The following SH2B2 variants were observed in gnomAD, a reference collection of about 807,000 sequenced individuals.
SH2B2 encodes the protein SH2B adaptor protein 2.
In SH2B2, 37 loss-of-function variants were observed where a neutral mutation model predicts 35.7. The observed-to-expected ratio is 1.04, with a 90% CI of 0.80 to 1.36. The LOEUF is 1.36. Ranked by LOEUF, SH2B2 falls within the 40% of genes most tolerant of loss-of-function variation. The pLI is 0.00. For synonymous variants in SH2B2, 383 were observed against 376.4 expected, an observed-to-expected ratio of 1.02 and a Z score of -0.20; for missense variants, 852 against 817.7, an observed-to-expected ratio of 1.04 and a Z score of -0.51.
In SH2B2 at chr7:102,314,434, A is replaced by C. The variant is rs1207171974; in HGVS notation, c.1015+7A>C. 2.5e-6 allele frequency: 1 copy of C among 398,656 alleles called. No homozygotes were observed. Among genetic ancestry groups the C allele is most frequent in the African/African-American group, 2.1e-5 (1 of 48,626 alleles). The allele number at this position is 398,656 out of a possible 1,614,324, so 24.7% of individuals were successfully genotyped here. ...TGTGAGCTCCTGACTGATGGTAGGT[A>C]GGGGGACAGGGTTGAAGGAGGGGCA... On this transcript the variant is annotated splice_region_variant and intron_variant, in intron 5 of 8. Coordinates refer to ENST00000444095, the MANE Select transcript of SH2B2 (RefSeq NM_001359228.2).
intron 2 of SH2B2, among the ~76,000 whole-genome samples, chr7:102,305,765 G>A (rs1464467111): frequency 6.6e-6 from 1 of 152,128 alleles, no homozygotes; most frequent in African/African-American, 2.4e-5. Flanking sequence ...TCTCGTGGGT[G>A]CATTGGGCAG....
rs1443577878 is a variant in SH2B2, at chr7:102,300,721, C to G, written c.171C>G (p.Ala57=). The G allele has an allele frequency of 6.5e-7, 1 of 1,531,046 alleles. No individual in the cohort carries two copies. The highest frequency in any genetic ancestry group is 8.8e-7 in the Non-Finnish European group (1 of 1,135,172). The allele number at this position is 1,531,046 out of a possible 1,614,324, so 94.8% of individuals were successfully genotyped here. The change falls in exon 2 of 9, where the codon GCC becomes GCG. Residue 57 remains alanine (A), a synonymous_variant. Transcript: ENST00000444095. The part of the protein sequence containing the change: ...RDNPAYDTPD[A]GASFSRHFAA... ...ACCCAGCTTACGACACGCCCGACGC[C>G]GGCGCCTCCTTCTCCCGCCACTTCG...
At chr7:102,294,090 G>A (rs1205200915) in intron 1 of SH2B2, among the ~76,000 whole-genome samples, 7 of 152,180 alleles carry the variant, frequency 4.6e-5, no homozygotes, top group African/African-American at 9.7e-5. Flanking sequence ...GAGTGCAGTC[G>A]TGCAATCTCA....
At chr7:102,311,606 G>A (rs1166096535) in intron 4 of SH2B2, among the ~76,000 whole-genome samples, 1 of 127,236 alleles carries the variant, frequency 7.9e-6, no homozygotes, top group Non-Finnish European at 1.6e-5. Context: ...GTGCTATGTT[G>A]TCCAGGCTGG....
rs782144163 is a variant in SH2B2, at chr7:102,300,779, G to A, written c.229G>A (p.Val77Met). The A allele has an allele frequency of 1.3e-6, 2 of 1,519,250 alleles. No homozygotes were observed. The highest frequency in any genetic ancestry group is 1.8e-6 in the Non-Finnish European group (2 of 1,128,298). 94.1% of individuals were successfully genotyped at this position (1,519,250 alleles called of 1,614,324 possible). The change falls in exon 2 of 9, where the codon GTG (valine) becomes ATG (methionine). Residue 77 changes from valine to methionine, a missense_variant. Val to Met is a conservative substitution (Grantham distance 21, BLOSUM62 1). This residue lies in a region of SH2B2 where 294 missense variants were observed against 286.6 expected (regional missense o/e 1.03). Coordinates refer to ENST00000444095, the MANE Select transcript of SH2B2 (RefSeq NM_001359228.2). ...CTTCCTGGACGTCTTCGGCGAGGAGGTGCGCCGCGTGCTGGTGGCTGGGCC... is the reference window on the plus strand; with the variant it reads ...CTTCCTGGACGTCTTCGGCGAGGAGATGCGCCGCGTGCTGGTGGCTGGGCC... ...ANFLDVFGEEVRRVLVAGPTT... is the reference protein window; with the variant it reads ...ANFLDVFGEEMRRVLVAGPTT...
At chr7:102,310,241 G>A (rs149159290) in intron 4 of SH2B2, among the ~76,000 whole-genome samples, 6,401 of 152,130 alleles carry the variant, frequency 0.042, 444 homozygotes, top group African/African-American at 0.15. Flanking sequence ...GCTTGAACCC[G>A]GGAGGCAGAG....
Position 102,301,589 on chromosome 7 carries a change from C to CGT in SH2B2, c.729+321_729+322dup, listed in dbSNP as rs1159497415. 2.9e-4 allele frequency among the ~76,000 whole-genome samples: 44 copies of CGT among 150,052 alleles called. No homozygotes were observed. In the South Asian group the frequency reaches 7.1e-3, roughly 24 times the overall value. ...GTGTGTGTGTGTGTGTGTGCGCGCG[C>CGT]GTGTGTGTGTGTCCCTCTGTCACCC... On this transcript the variant is annotated intron_variant, in intron 2 of 8. Coordinates refer to ENST00000444095, the MANE Select transcript of SH2B2 (RefSeq NM_001359228.2).
rs35625519 is a variant in SH2B2 at position 102,290,241 on chromosome 7, C to CTT, written c.-30+3158_-30+3159dup. ...GCCTGGAACTTGGCTCCATACCCCC[C>CTT]TTTTTTTTTTTTATTTTTTTGAGAC... On this transcript the variant is annotated intron_variant, in intron 1 of 8. Coordinates refer to ENST00000444095, the MANE Select transcript of SH2B2 (RefSeq NM_001359228.2). Among the ~76,000 whole-genome samples the CTT allele has an allele frequency of 7.6e-4, 111 of 145,300 alleles. 1 individual carries two copies. Among genetic ancestry groups the CTT allele is most frequent in the Non-Finnish European group, 9.6e-4 (64 of 66,490 alleles).
intron 2 of SH2B2, among the ~76,000 whole-genome samples, chr7:102,304,623 G>T (rs947161706): frequency 6.6e-6 from 1 of 152,240 alleles, no homozygotes; most frequent in Non-Finnish European, 1.5e-5. Flanking sequence ...ACAGTGCGTT[G>T]TGGCTGGAGC....
chr7:102,319,542 T>C (rs782040073), intron 7 of SH2B2, among the ~76,000 whole-genome samples: 7 of 152,136 alleles, frequency 4.6e-5, no homozygotes, highest in Admixed American at 1.3e-4. Context: ...ACCTAGCAGA[T>C]TGTCTGTCTT....
chr7:102,301,559 C>CGTGTGT lies in SH2B2; in HGVS notation c.729+298_729+303dup, dbSNP rs144412397. Among the ~76,000 whole-genome samples, 1,028 of 145,150 alleles carry CGTGTGT rather than the reference C, an allele frequency of 7.1e-3. 11 individuals are homozygous for CGTGTGT. Among genetic ancestry groups the CGTGTGT allele is most frequent in the African/African-American group, 0.023 (931 of 39,962 alleles). ...TTTCGTGTGTGTGTGTGTGTGTGTCCGTGTGTGTGTGTGTGTGTGTGTGCG... is the reference window on the plus strand; with the variant it reads ...TTTCGTGTGTGTGTGTGTGTGTGTCCGTGTGTGTGTGTGTGTGTGTGTGTGTGTGCG... On this transcript the variant is annotated intron_variant, in intron 2 of 8. Coordinates refer to ENST00000444095, the MANE Select transcript of SH2B2 (RefSeq NM_001359228.2).
chr7:102,320,201 AG>A, intron 7 of SH2B2, 129 bp from the exon 8 acceptor site: 1 of 710,080 alleles, frequency 1.4e-6, no homozygotes, highest in Admixed American at 2.5e-5. Context: ...CTCATGTGTG[AG>A]GGGCCCCCGG....
intron 4 of SH2B2, chr7:102,309,123 G>A (rs782086755): frequency 9.1e-6 from 6 of 662,236 alleles, no homozygotes; most frequent in South Asian, 9.0e-5. Flanking sequence ...ATGGGGCCAG[G>A]GCCTGGGGAC....
chr7:102,320,441 G>A lies in SH2B2; in HGVS notation c.1506G>A (p.Glu502=). ...RHFHTHPIPL[E]SGGSADITLR... is the part of the protein sequence containing the mutation. ...TCCACACACACCCCATCCCACTGGA[G>A]TCAGGGGGCTCGGCCGACATCACCC... Residue 502 remains glutamate, a synonymous_variant, in exon 8 of 9, where the codon GAG becomes GAA. Coordinates refer to ENST00000444095, the MANE Select transcript of SH2B2 (RefSeq NM_001359228.2). 6.2e-7 allele frequency: 1 copy of A among 1,613,768 alleles called. No individual in the cohort carries two copies.
intron 1 of SH2B2, among the ~76,000 whole-genome samples, 183 bp downstream of exon 1, chr7:102,287,277 A>C (rs1464537624): frequency 2.5e-4 from 38 of 151,376 alleles, no homozygotes; most frequent in Admixed American, 3.9e-4. Context: ...GAGGGAGGGG[A>C]GGCGCCCCCG....
At chr7:102,307,253 G>T (rs1404678915) in intron 3 of SH2B2, among the ~76,000 whole-genome samples, 2 of 152,222 alleles carry the variant, frequency 1.3e-5, no homozygotes, top group Admixed American at 1.3e-4. Context: ...TCAAGGGGGG[G>T]CGGGGAGGCA....
chr7:102,293,423 C>T (rs1348275659), intron 1 of SH2B2, among the ~76,000 whole-genome samples: 1 of 151,406 alleles, frequency 6.6e-6, no homozygotes, highest in African/African-American at 2.4e-5. Context: ...CGCTCCATCC[C>T]CCAGCACCAA....
chr7:102,307,332 GT>G (rs1554555091), intron 3 of SH2B2, among the ~76,000 whole-genome samples: 1 of 152,208 alleles, frequency 6.6e-6, no homozygotes, highest in Non-Finnish European at 1.5e-5. Context: ...GCCTGCAGGG[GT>G]TTCTGAGGAC....
intron 2 of SH2B2, among the ~76,000 whole-genome samples, chr7:102,301,702 G>A (rs1278980000): frequency 6.6e-6 from 1 of 151,934 alleles, no homozygotes; most frequent in Non-Finnish European, 1.5e-5. Flanking sequence ...CTCCCAGGTA[G>A]CTGGGATTTA....
Sources: gnomAD v4.1 joint callset for allele counts (sites outside exome capture counted in the v4.1 genomes callset) on GRCh38, gnomAD v4.1.1 for gene constraint, gnomAD v4.1.1 regional missense constraint, MANE v1.5 for transcripts, NCBI Gene and HGNC (gene_info 2026-07-23, HGNC 2026-07-21) for gene names.